The following RMP64 variants were observed in gnomAD, a reference collection of about 807,000 sequenced individuals.
The protein encoded by RMP64 is nucleolus and neural progenitor protein.
At chr3:113,019,230 C>G in the RMP64 span, 19 of 411,366 alleles carry the variant, frequency 4.6e-5, no homozygotes, top group Non-Finnish European at 8.3e-5. Flanking sequence ...GGTTCCCAGG[C>G]AGCACTGTTC....
the RMP64 span, among the ~76,000 whole-genome samples, chr3:113,009,149 A>C: frequency 6.6e-6 from 1 of 152,142 alleles, no homozygotes; most frequent in Non-Finnish European, 1.5e-5. Context: ...ATTCTACTTC[A>C]ACCATCTTCT....
chr3:113,017,504 G>T, the RMP64 span: 2 of 1,614,150 alleles, frequency 1.2e-6, no homozygotes, highest in Non-Finnish European at 1.7e-6. Context: ...TTGCTGTAAA[G>T]GACTGCACAT....
chr3:113,010,602 T>G, the RMP64 span: 1 of 1,521,500 alleles, frequency 6.6e-7, no homozygotes, highest in South Asian at 1.1e-5. Context: ...CTCTACAAAT[T>G]AGCAGAAATC....
chr3:113,015,174 G>A, the RMP64 span: 4 of 152,034 alleles, frequency 2.6e-5, no homozygotes, highest in Non-Finnish European at 4.4e-5. Flanking sequence ...TTATTCCTGA[G>A]GACTACAGAA....
chr3:113,002,960 G>C, the RMP64 span: 1 of 152,344 alleles, frequency 6.6e-6, no homozygotes, highest in South Asian at 2.1e-4. Flanking sequence ...TGCCACAGCA[G>C]TGACTTTAGT....
the RMP64 span, chr3:113,010,987 G>C: frequency 1.4e-6 from 2 of 1,460,802 alleles, no homozygotes; most frequent in African/African-American, 2.8e-5. Flanking sequence ...CTTTCAAAAG[G>C]TTTCTTTTTA....
the RMP64 span, chr3:113,014,010 A>G: frequency 6.2e-7 from 1 of 1,613,112 alleles, no homozygotes; most frequent in Non-Finnish European, 8.5e-7. Context: ...CATGTTTTTC[A>G]AACGCTTTAA....
the RMP64 span, chr3:113,012,876 T>C: frequency 4.2e-6 from 4 of 943,442 alleles, no homozygotes; most frequent in African/African-American, 4.8e-5. Context: ...GTTACAATCA[T>C]GAATGAAGAA....
the RMP64 span, among the ~76,000 whole-genome samples, chr3:113,013,755 T>C: frequency 6.6e-6 from 1 of 152,206 alleles, no homozygotes; most frequent in East Asian, 1.9e-4. Flanking sequence ...CAGATTTCAA[T>C]GTCACACCAG....
the RMP64 span, chr3:113,008,050 A>G: frequency 1.3e-6 from 1 of 790,742 alleles, no homozygotes; most frequent in African/African-American, 1.7e-5. Flanking sequence ...GTTTGAGTAC[A>G]TCCCAATTTA....
At chr3:113,013,451 GT>G in the RMP64 span, 2,211 of 1,252,654 alleles carry the variant, frequency 1.8e-3, 1 homozygote, top group East Asian at 2.9e-3. Flanking sequence ...AAAAAAAAGG[GT>G]TTTTTTTTTG....
the RMP64 span, among the ~76,000 whole-genome samples, chr3:113,018,580 G>A: frequency 6.6e-6 from 1 of 152,154 alleles, no homozygotes; most frequent in Non-Finnish European, 1.5e-5. Flanking sequence ...TAAAGCCATG[G>A]TTTTTAGTTT....
At chr3:113,013,516 G>T in the RMP64 span, 1 of 974,536 alleles carries the variant, frequency 1.0e-6, no homozygotes, top group South Asian at 1.8e-5. Flanking sequence ...ACAAAGGATT[G>T]AAACAAAGAG....
chr3:113,011,191 T>C, the RMP64 span: 32 of 1,613,366 alleles, frequency 2.0e-5, no homozygotes, highest in South Asian at 3.5e-4. Context: ...AAACAGTTTA[T>C]TTAGCAATTT....
chr3:113,008,910 T>C, the RMP64 span: 2 of 154,540 alleles, frequency 1.3e-5, no homozygotes, highest in African/African-American at 4.8e-5. Flanking sequence ...CAAAGCCTAA[T>C]TGCAGAGGGT....
chr3:113,005,572 ATC>A, the RMP64 span: 1 of 1,613,590 alleles, frequency 6.2e-7, no homozygotes, highest in African/African-American at 1.3e-5. Flanking sequence ...CATCAATGTC[ATC>A]TGTCTCCTTA....
chr3:113,006,015 C>A, the RMP64 span: 1 of 1,575,890 alleles, frequency 6.3e-7, no homozygotes, highest in Admixed American at 1.8e-5. Context: ...CTTTAAAAGA[C>A]AGAGAGAGGA....
the RMP64 span, chr3:113,002,530 G>A: frequency 6.6e-6 from 1 of 152,292 alleles, no homozygotes; most frequent in African/African-American, 2.4e-5. Flanking sequence ...CCGACCCAGG[G>A]CTTATATGCC....
chr3:113,013,871 G>T, the RMP64 span: 2 of 993,396 alleles, frequency 2.0e-6, no homozygotes, highest in Non-Finnish European at 3.2e-6. Context: ...CCAACAGCAA[G>T]CATAGAGAAA....
Sources: allele counts gnomAD v4.1 joint callset (sites outside exome capture counted in the v4.1 genomes callset), GRCh38; gene constraint gnomAD v4.1.1; transcripts MANE v1.5; gene names NCBI Gene and HGNC (gene_info 2026-07-23, HGNC 2026-07-21).